The following ACOT1 variants were observed in gnomAD, a reference collection of about 807,000 sequenced individuals.
ACOT1 encodes acyl-CoA thioesterase 1, also known as acyl-coenzyme A thioesterase 1.
In ACOT1, 8 loss-of-function variants were observed where a neutral mutation model predicts 15.7. The ratio of observed to expected loss-of-function variants is 0.51; its 90% CI spans 0.30 to 0.92. The LOEUF (loss-of-function observed/expected upper bound fraction) is 0.92. ACOT1 is among the 40% of genes least tolerant of loss of function. ACOT1 has a pLI of 0.06. For synonymous variants in ACOT1, 67 were observed against 241.2 expected (o/e 0.28, Z 6.69); for missense variants, 151 against 539.4 (o/e 0.28, Z 7.13).
At chr14:73,525,241 C>T in the ACOT1 span, among the ~76,000 whole-genome samples, 1 of 152,018 alleles carries the variant, frequency 6.6e-6, no homozygotes, top group African/African-American at 2.4e-5. Context: ...ACTATGTTGC[C>T]CAGGCTGGTC....
chr14:73,492,140 C>T, the ACOT1 span: 6 of 1,613,830 alleles, frequency 3.7e-6, no homozygotes, highest in Non-Finnish European at 5.1e-6. The surrounding 1 kb of genome is among the most constrained non-coding windows in gnomAD (Gnocchi z 4.9). Flanking sequence ...GACATCCAGC[C>T]CCAACTTCAG....
chr14:73,522,366 C>T, the ACOT1 span: 2 of 1,614,102 alleles, frequency 1.2e-6, no homozygotes, highest in African/African-American at 2.7e-5. Context: ...TCTTCTGCCT[C>T]CAGCTGTTTC....
chr14:73,504,858 A>G, the ACOT1 span, among the ~76,000 whole-genome samples: 1 of 152,220 alleles, frequency 6.6e-6, no homozygotes, highest in South Asian at 2.1e-4. Context: ...TGATTGGGAA[A>G]TAATGGCAAA....
chr14:73,527,103 C>T, the ACOT1 span: 1 of 152,174 alleles, frequency 6.6e-6, no homozygotes, highest in African/African-American at 2.4e-5. Flanking sequence ...CCCTGGTATA[C>T]ATCAGCTGCA....
chr14:73,508,069 A>G, the ACOT1 span: 5 of 1,466,396 alleles, frequency 3.4e-6, no homozygotes, highest in Middle Eastern at 5.2e-4. Context: ...GATTGCTTAC[A>G]TTCACTGACC....
the ACOT1 span, chr14:73,527,338 CAG>C: frequency 1.3e-5 from 2 of 151,892 alleles, no homozygotes; most frequent in African/African-American, 4.8e-5. Context: ...CCAGGAGTGA[CAG>C]AGATATGTGA....
the ACOT1 span, chr14:73,508,036 G>T: frequency 8.5e-7 from 1 of 1,178,572 alleles, no homozygotes; most frequent in African/African-American, 1.5e-5. Context: ...ATAAGCCACT[G>T]CCCCGGCCCC....
At chr14:73,506,676 G>A in the ACOT1 span, 13 of 813,534 alleles carry the variant, frequency 1.6e-5, no homozygotes, top group South Asian at 2.0e-4. Context: ...AATGTCACCA[G>A]TGGGCTTACA....
At chr14:73,508,160 G>A in the ACOT1 span, 3 of 1,614,100 alleles carry the variant, frequency 1.9e-6, no homozygotes, top group Non-Finnish European at 2.5e-6. Flanking sequence ...TAGCTCAGGA[G>A]GATATAAGAC....
At chr14:73,496,904 T>G in the ACOT1 span, among the ~76,000 whole-genome samples, 11 of 152,352 alleles carry the variant, frequency 7.2e-5, no homozygotes, top group East Asian at 1.7e-3. Context: ...CTTTTTGTTT[T>G]TGCGAGATGG....
At chr14:73,492,505 T>C in the ACOT1 span, 3 of 1,613,522 alleles carry the variant, frequency 1.9e-6, no homozygotes, top group Non-Finnish European at 2.5e-6. The surrounding 1 kb of genome is among the most constrained non-coding windows in gnomAD (Gnocchi z 4.9). Flanking sequence ...CTGTTGATGC[T>C]GTGGCCGACC....
At chr14:73,500,428 T>G in the ACOT1 span, 2 of 1,090,434 alleles carry the variant, frequency 1.8e-6, no homozygotes, top group Non-Finnish European at 2.6e-6. Context: ...TACACCCCCT[T>G]CCCAGTTCCA....
chr14:73,493,913 A>G, the ACOT1 span, among the ~76,000 whole-genome samples: 7 of 152,216 alleles, frequency 4.6e-5, no homozygotes, highest in African/African-American at 1.7e-4. Flanking sequence ...AATTTATGCT[A>G]TTTAATTATG....
chr14:73,511,101 G>A, the ACOT1 span, among the ~76,000 whole-genome samples: 1 of 152,202 alleles, frequency 6.6e-6, no homozygotes, highest in South Asian at 2.1e-4. Flanking sequence ...CAAGTAGGAA[G>A]GGGAAAGGTT....
chr14:73,518,477 A>G, the ACOT1 span, among the ~76,000 whole-genome samples: 1 of 152,084 alleles, frequency 6.6e-6, no homozygotes, highest in Non-Finnish European at 1.5e-5. Context: ...GGCCCATCTG[A>G]ACAGTAATCC....
At chr14:73,496,652 G>C in the ACOT1 span, 2 of 1,593,350 alleles carry the variant, frequency 1.3e-6, no homozygotes, top group Non-Finnish European at 1.7e-6. Context: ...TTCCTAAGTT[G>C]AGTATCTTCA....
At chr14:73,513,991 C>T in the ACOT1 span, 1 of 1,592,972 alleles carries the variant, frequency 6.3e-7, no homozygotes. Flanking sequence ...AGAACCACTT[C>T]TCACAAACGT....
chr14:73,512,412 A>C, the ACOT1 span, among the ~76,000 whole-genome samples: 1 of 152,134 alleles, frequency 6.6e-6, no homozygotes, highest in Non-Finnish European at 1.5e-5. Flanking sequence ...TTTCGTTGTA[A>C]CCATCTGGGA....
At chr14:73,502,833 C>A in the ACOT1 span, 2 of 1,324,578 alleles carry the variant, frequency 1.5e-6, no homozygotes, top group African/African-American at 1.4e-5. Context: ...CCTTGCCCAG[C>A]CTGCCTCCTA....
Sources: allele counts gnomAD v4.1 joint callset (sites outside exome capture counted in the v4.1 genomes callset), GRCh38; gene constraint gnomAD v4.1.1; non-coding constraint Gnocchi (gnomAD v3.1); transcripts MANE v1.5; gene names NCBI Gene and HGNC (gene_info 2026-07-23, HGNC 2026-07-21).